Variants in HTRA3 observed in about 807,000 individuals in gnomAD.
HTRA3 encodes HtrA serine peptidase 3.
HTRA3 carries 41 observed loss-of-function variants against 43.2 expected under a neutral mutation model. The ratio of observed to expected loss-of-function variants is 0.95; its 90% CI spans 0.74 to 1.23. The LOEUF is 1.23. Among genes scored for constraint, HTRA3 ranks in the 50% most tolerant of loss-of-function variants. The pLI is 0.00. For missense variants in HTRA3, 628 were observed against 647.1 expected, an observed-to-expected ratio of 0.97 and a Z score of 0.32; for synonymous variants, 295 against 287.9, an observed-to-expected ratio of 1.02 and a Z score of -0.25.
At chr4:8,273,637 G>A (rs1257996342) in intron 1 of HTRA3, among the ~76,000 whole-genome samples, 2 of 151,902 alleles carry the variant, frequency 1.3e-5, no homozygotes, top group African/African-American at 4.8e-5. Context: ...GTCACGTGGA[G>A]ATGCCTGCTG....
In HTRA3 at chr4:8,294,247, C is replaced by T. The variant is rs1217066395; in HGVS notation, c.1051+46C>T. ...GGGCCAGAGGCAGGGGGCACTCTCC[C>T]AGGGCTACAGCCCCTTAACACCCCA... On this transcript the variant is annotated intron_variant, in intron 6 of 8. Transcript: ENST00000307358. 2.2e-6 allele frequency: 3 copies of T among 1,376,236 alleles called. No individual in the cohort carries two copies. In the South Asian group the frequency reaches 3.7e-5, roughly 17 times the overall value. The allele number at this position is 1,376,236 out of a possible 1,614,324, so 85.3% of individuals were successfully genotyped here. A position where few individuals can be genotyped will look rare whatever the true frequency, so the allele number is the denominator to read the frequency against.
intron 1 of HTRA3, among the ~76,000 whole-genome samples, chr4:8,272,435 G>C (rs7655419): frequency 0.29 from 44,763 of 152,074 alleles, 6,854 homozygotes; most frequent in South Asian, 0.49. Flanking sequence ...TCAGTGCTCC[G>C]GGGTCTGCAG....
chr4:8,297,015 TTCACAGGGTTCCCCAGCCTCAGAGG>T lies in HTRA3; in HGVS notation c.1051+2824_1051+2848del, dbSNP rs1485876332. ...ACCGTAAGTTTCCCTGGTCTCAGAG[TTCACAGGGTTCCCCAGCCTCAGAGG>T]TCACAGGGTCCCTTGGTCTCAGAAG... On this transcript the variant is annotated intron_variant, in intron 6 of 8. Coordinates refer to ENST00000307358, the MANE Select transcript of HTRA3 (RefSeq NM_053044.5). This position sits in a 1 kb window ranked among gnomAD's most constrained non-coding sequence, Gnocchi z 5.8. Among the ~76,000 whole-genome samples the T allele has an allele frequency of 3.3e-5, 5 of 151,892 alleles. No individual in the cohort carries two copies. Among genetic ancestry groups the T allele is most frequent in the Admixed American group, 2.6e-4 (4 of 15,278 alleles).
chr4:8,293,315 TG>T (rs1476157040), intron 5 of HTRA3, among the ~76,000 whole-genome samples: 1 of 152,144 alleles, frequency 6.6e-6, no homozygotes, highest in Non-Finnish European at 1.5e-5. Flanking sequence ...GCAGTAGAGA[TG>T]GGCACAGAGG....
intron 1 of HTRA3, among the ~76,000 whole-genome samples, chr4:8,276,410 AGT>A (rs1560134017): frequency 2.6e-5 from 4 of 152,350 alleles, no homozygotes; most frequent in Middle Eastern, 3.4e-3. Flanking sequence ...GTCTTACAGA[AGT>A]GGAGTTAGTG....
chr4:8,296,566 G>T lies in HTRA3; in HGVS notation c.1051+2365G>T, dbSNP rs1291430797. On this transcript the variant is annotated intron_variant, in intron 6 of 8. Transcript: ENST00000307358. The surrounding 1 kb of genome is among the most constrained non-coding windows in gnomAD (Gnocchi z 5.3). ...TTTATTATTCTCGTCTGGAGGTGGG[G>T]TGCAGAGGCCTCTGAGGGGCTTTCA... 1.0e-6 allele frequency: 1 copy of T among 980,750 alleles called. No homozygotes were observed. 60.8% of individuals were successfully genotyped at this position (980,750 alleles called of 1,614,324 possible). A position where few individuals can be genotyped will look rare whatever the true frequency, so the allele number is the denominator to read the frequency against.
At position 8,306,061 on chromosome 4, in the gene HTRA3, G is replaced by C; in HGVS notation, c.1287G>C (p.Glu429Asp). The change falls in exon 9 of 9, where the codon GAG becomes GAC. Residue 429 changes from glutamate to aspartate, a missense_variant. Coordinates refer to ENST00000307358, the MANE Select transcript of HTRA3 (RefSeq NM_053044.5). The surrounding 1 kb of genome is among the most constrained non-coding windows in gnomAD (Gnocchi z 8.9). ...SSELQEAVLT[E>D]SPLLLEVRRG... ...AGCTGCAGGAGGCCGTGCTGACCGA[G>C]TCTCCTCTCCTACTGGAGGTGCGGC... The C allele has an allele frequency of 6.2e-7, 1 of 1,612,698 alleles. No individual in the cohort carries two copies. The highest frequency in any genetic ancestry group is 8.5e-7 in the Non-Finnish European group (1 of 1,179,338).
intron 4 of HTRA3, 58 bp downstream of exon 4, chr4:8,291,622 T>A: frequency 7.5e-7 from 1 of 1,340,388 alleles, no homozygotes; most frequent in Non-Finnish European, 1.0e-6. Flanking sequence ...GACCTCAACC[T>A]CGAGGTGGTC....
intron 3 of HTRA3, among the ~76,000 whole-genome samples, chr4:8,290,435 T>C (rs1002934160): frequency 6.6e-6 from 1 of 152,206 alleles, no homozygotes; most frequent in African/African-American, 2.4e-5. Context: ...ATCTCCTAAG[T>C]TGGGGCAATG....
chr4:8,278,086 G>T (rs561746469), intron 1 of HTRA3, among the ~76,000 whole-genome samples: 5 of 152,160 alleles, frequency 3.3e-5, no homozygotes, highest in Non-Finnish European at 7.3e-5. Flanking sequence ...CAAACACAAG[G>T]TATCCCCACA....
At position 8,306,533 on chromosome 4, in the gene HTRA3, C is replaced by A. The variant is rs1164680144; in HGVS notation, c.*397C>A. ...AGGTCTGGGCTGCCAAGCTTCTTCCCCCCTGACAAACGCCCACCTGACCTG... is the reference window on the plus strand; with the variant it reads ...AGGTCTGGGCTGCCAAGCTTCTTCCACCCTGACAAACGCCCACCTGACCTG... On this transcript the variant is annotated 3_prime_UTR_variant, in exon 9 of 9. Transcript: ENST00000307358. This position sits in a 1 kb window ranked among gnomAD's most constrained non-coding sequence, Gnocchi z 8.9. 3 of 174,350 alleles carry A rather than the reference C, an allele frequency of 1.7e-5. No individual in the cohort carries two copies. The highest frequency in any genetic ancestry group is 1.1e-4 in the Admixed American group (2 of 18,590). The allele number at this position is 174,350 out of a possible 1,614,324, so 10.8% of individuals were successfully genotyped here.
rs1271717229 is a variant in HTRA3 at position 8,294,177 on chromosome 4, G to A, written c.1027G>A (p.Glu343Lys). Residue 343 changes from glutamate to lysine, a missense_variant, in exon 6 of 9, where the codon GAG becomes AAG. By Grantham distance (56) the Glu-to-Lys change is moderately conservative. Coordinates refer to ENST00000307358, the MANE Select transcript of HTRA3 (RefSeq NM_053044.5). ...AGACCGCATCACACGGTTCCTCACAGAGTTCCAAGACAAGCAGATCAAAGG... is the reference window on the plus strand; with the variant it reads ...AGACCGCATCACACGGTTCCTCACAAAGTTCCAAGACAAGCAGATCAAAGG... ...PSDRITRFLT[E>K]FQDKQIKDWK... is the part of the protein sequence containing the mutation. The A allele has an allele frequency of 1.2e-6, 2 of 1,611,974 alleles. No homozygotes were observed. The highest frequency in any genetic ancestry group is 1.7e-6 in the Non-Finnish European group (2 of 1,179,120).
intron 6 of HTRA3, among the ~76,000 whole-genome samples, chr4:8,299,158 T>C (rs1290008704): frequency 1.3e-5 from 2 of 152,248 alleles, no homozygotes; most frequent in African/African-American, 4.8e-5. Context: ...CTTTAACTTC[T>C]CTCTGCAATG....
intron 1 of HTRA3, among the ~76,000 whole-genome samples, chr4:8,275,920 T>A (rs1021533749): frequency 1.3e-5 from 2 of 152,242 alleles, no homozygotes; most frequent in African/African-American, 4.8e-5. Context: ...GGCAGGCCCC[T>A]AGCAGCTCGA....
In HTRA3 at chr4:8,291,284, A is replaced by AC. The variant is rs1210533969; in HGVS notation, c.709-80dup. The stretch of plus-strand genomic sequence containing the variant: ...CACAGATGTGCATGCCTTCCCTGGG[A>AC]CCCCCCTGCCAGGATCTGACTCCGG... On this transcript the variant is annotated intron_variant, in intron 3 of 8. Coordinates refer to ENST00000307358, the MANE Select transcript of HTRA3 (RefSeq NM_053044.5). 6.7e-6 allele frequency: 8 copies of AC among 1,192,948 alleles called. No homozygotes were observed. The Admixed American group carries it at 1.0e-4, about 15-fold the overall frequency. The allele number at this position is 1,192,948 out of a possible 1,614,324, so 73.9% of individuals were successfully genotyped here. A position where few individuals can be genotyped will look rare whatever the true frequency, so the allele number is the denominator to read the frequency against.
At chr4:8,283,647 G>A (rs1361370326) in intron 2 of HTRA3, among the ~76,000 whole-genome samples, 1 of 152,210 alleles carries the variant, frequency 6.6e-6, no homozygotes, top group East Asian at 1.9e-4. Context: ...TGATGAGGAG[G>A]CCCCGGAACC....
At chr4:8,289,192 C>T (rs1713127763) in intron 3 of HTRA3, among the ~76,000 whole-genome samples, 1 of 152,238 alleles carries the variant, frequency 6.6e-6, no homozygotes. Flanking sequence ...TCAAGCAATC[C>T]TCCTGCCTCG....
At chr4:8,303,042 A>G (rs988695811) in intron 7 of HTRA3, among the ~76,000 whole-genome samples, 4 of 152,190 alleles carry the variant, frequency 2.6e-5, no homozygotes, top group Middle Eastern at 3.4e-3. Flanking sequence ...GTTAGGGCCC[A>G]CTCTAAACCA....
intron 5 of HTRA3, 119 bp from the exon 6 acceptor site, chr4:8,293,968 T>A: frequency 1.5e-6 from 1 of 656,778 alleles, no homozygotes; most frequent in Non-Finnish European, 2.7e-6. Flanking sequence ...AGTTGGGGGC[T>A]GTAGGGGGAT....
Sources: gnomAD v4.1 joint callset for allele counts (sites outside exome capture counted in the v4.1 genomes callset) on GRCh38, gnomAD v4.1.1 for gene constraint, Gnocchi (gnomAD v3.1) non-coding constraint, MANE v1.5 for transcripts, NCBI Gene and HGNC (gene_info 2026-07-23, HGNC 2026-07-21) for gene names.